The following RFC3 variants were observed in gnomAD, a reference collection of about 807,000 sequenced individuals.
RFC3 encodes replication factor C subunit 3.
A neutral mutation model predicts 45.1 loss-of-function variants in RFC3; 41 were observed. The ratio of observed to expected loss-of-function variants is 0.91; its 90% CI spans 0.71 to 1.18. The LOEUF (loss-of-function observed/expected upper bound fraction) is 1.18, where lower values mean the gene tolerates loss of function less well. RFC3 is among the 50% of genes most tolerant of loss of function. The probability of loss-of-function intolerance (pLI) is 0.00; values close to 1 mark genes in which losing one functional copy is unlikely to be tolerated. For missense variants in RFC3, 423 were observed against 428.1 expected (o/e 0.99, Z 0.10); for synonymous variants, 149 against 144.0 (o/e 1.03, Z -0.25).
At chr13:33,825,369 A>G (rs184114492) in intron 3 of RFC3, among the ~76,000 whole-genome samples, 8 of 152,164 alleles carry the variant, frequency 5.3e-5, no homozygotes, top group East Asian at 1.9e-4. Flanking sequence ...GATCTTTGCT[A>G]TTTTGGGGAT....
intron 7 of RFC3, among the ~76,000 whole-genome samples, chr13:33,834,124 C>A (rs1185580895): frequency 6.6e-6 from 1 of 150,972 alleles, no homozygotes; most frequent in Admixed American, 6.6e-5. Flanking sequence ...TCAATTCTTA[C>A]ACATAGCAGA....
At chr13:33,825,965 C>G in intron 4 of RFC3, 79 bp downstream of exon 4, 1 of 803,054 alleles carries the variant, frequency 1.2e-6, no homozygotes, top group South Asian at 2.1e-5. Flanking sequence ...TGAAAGTGAA[C>G]AGGAGAGAAG....
intron 8 of RFC3, among the ~76,000 whole-genome samples, chr13:33,881,721 C>T (rs1371765256): frequency 1.3e-5 from 2 of 152,152 alleles, no homozygotes; most frequent in Non-Finnish European, 2.9e-5. Flanking sequence ...CCCTCCATGG[C>T]TCCAGTTCTC....
chr13:33,857,224 A>G (rs891326918), intron 8 of RFC3, among the ~76,000 whole-genome samples: 3 of 152,226 alleles, frequency 2.0e-5, no homozygotes, highest in Admixed American at 2.0e-4. Flanking sequence ...TATCTTCAAG[A>G]TAGCGTCCAA....
intron 8 of RFC3, among the ~76,000 whole-genome samples, chr13:33,918,910 C>T (rs2082750174): frequency 6.6e-6 from 1 of 152,128 alleles, no homozygotes; most frequent in South Asian, 2.1e-4. Context: ...ATGGTGACAG[C>T]TCCAGCTTAT....
chr13:33,893,328 A>G (rs2082575374), intron 8 of RFC3, among the ~76,000 whole-genome samples: 1 of 152,166 alleles, frequency 6.6e-6, no homozygotes, highest in Admixed American at 6.6e-5. Context: ...TTAAGGAATC[A>G]CCAAGAGCCA....
intron 8 of RFC3, among the ~76,000 whole-genome samples, chr13:33,959,164 C>T (rs915167863): frequency 1.3e-5 from 2 of 152,128 alleles, no homozygotes; most frequent in African/African-American, 4.8e-5. Context: ...ATTTAAATGT[C>T]TCTTGTGTTA....
intron 4 of RFC3, among the ~76,000 whole-genome samples, chr13:33,829,382 G>A (rs1419196504): frequency 6.6e-6 from 1 of 152,116 alleles, no homozygotes; most frequent in East Asian, 1.9e-4. Context: ...AGTTATTTTG[G>A]GGAAATGCAG....
At chr13:33,845,171 T>C (rs1463097097) in intron 8 of RFC3, among the ~76,000 whole-genome samples, 1 of 152,210 alleles carries the variant, frequency 6.6e-6, no homozygotes, top group Non-Finnish European at 1.5e-5. Flanking sequence ...CCATTGTATG[T>C]TGTTTGTTTC....
At chr13:33,867,691 ATGGGAAGGAAGGTT>A (rs2082382565) in intron 8 of RFC3, among the ~76,000 whole-genome samples, 1 of 152,168 alleles carries the variant, frequency 6.6e-6, no homozygotes, top group African/African-American at 2.4e-5. Context: ...GATCTCCCAG[ATGGGAAGGAAGGTT>A]TGTGTCACCC....
intron 8 of RFC3, among the ~76,000 whole-genome samples, chr13:33,940,472 T>C (rs1213103586): frequency 6.6e-6 from 1 of 152,210 alleles, no homozygotes; most frequent in Non-Finnish European, 1.5e-5. Context: ...TGGTAAATGT[T>C]ACATGTGCGT....
intron 8 of RFC3, among the ~76,000 whole-genome samples, chr13:33,944,415 G>A (rs1225922732): frequency 6.6e-6 from 1 of 152,202 alleles, no homozygotes; most frequent in Non-Finnish European, 1.5e-5. Flanking sequence ...ATGACGATGA[G>A]TGTGCTGTTG....
chr13:33,876,876 C>A (rs969312352), intron 8 of RFC3, among the ~76,000 whole-genome samples: 1 of 152,216 alleles, frequency 6.6e-6, no homozygotes, highest in African/African-American at 2.4e-5. Context: ...TCCCAAATCC[C>A]ATGGTTTGCT....
chr13:33,821,433 T>C (rs780719905), intron 2 of RFC3, among the ~76,000 whole-genome samples, 164 bp downstream of exon 2: 1 of 152,154 alleles, frequency 6.6e-6, no homozygotes, highest in Non-Finnish European at 1.5e-5. Flanking sequence ...TATGGATCTG[T>C]TATAACCAGA....
Position 33,866,017 on chromosome 13 carries a change from C to A in RFC3, c.879+30800C>A, listed in dbSNP as rs550279570. ...GAGGTTGCAGTGAGCCGAGATCATGCCATTGCACTCCAGCCTGGGCACAAG... is the reference window on the plus strand; with the variant it reads ...GAGGTTGCAGTGAGCCGAGATCATGACATTGCACTCCAGCCTGGGCACAAG... On this transcript the variant is annotated intron_variant, in intron 8 of 8. Coordinates refer to the RFC3 transcript ENST00000434425. Among the ~76,000 whole-genome samples the A allele has an allele frequency of 1.6e-4, 24 of 152,280 alleles. No individual in the cohort carries two copies. In the East Asian group the frequency reaches 4.4e-3, roughly 28 times the overall value.
chr13:33,897,602 T>A (rs562471897), intron 8 of RFC3, among the ~76,000 whole-genome samples: 1 of 151,982 alleles, frequency 6.6e-6, no homozygotes, highest in Non-Finnish European at 1.5e-5. Flanking sequence ...TAGAATGAAT[T>A]CTCCAATTAA....
At chr13:33,968,397 G>C (rs1244573362), downstream of RFC3, among the ~76,000 whole-genome samples, 1 of 152,160 alleles carries the variant, frequency 6.6e-6, no homozygotes, top group Non-Finnish European at 1.5e-5. Context: ...TGCAGTGCTG[G>C]GATTACAGGT....
intron 8 of RFC3, among the ~76,000 whole-genome samples, chr13:33,905,560 T>A (rs1328800614): frequency 6.6e-6 from 1 of 152,116 alleles, no homozygotes; most frequent in Non-Finnish European, 1.5e-5. Flanking sequence ...TCTACATTCT[T>A]GTTTTATGGA....
At chr13:33,880,854 G>A (rs1482970886) in intron 8 of RFC3, among the ~76,000 whole-genome samples, 4 of 152,098 alleles carry the variant, frequency 2.6e-5, no homozygotes, top group Admixed American at 6.6e-5. Context: ...TCAGGAGTTC[G>A]AGACCAGCCT....
Sources: allele counts gnomAD v4.1 joint callset (sites outside exome capture counted in the v4.1 genomes callset), GRCh38; gene constraint gnomAD v4.1.1; transcripts MANE v1.5; gene names NCBI Gene and HGNC (gene_info 2026-07-23, HGNC 2026-07-21).